The following DOCK3 variants were observed in gnomAD, a reference collection of about 807,000 sequenced individuals.
The protein encoded by DOCK3 is dedicator of cytokinesis protein 3.
Under a neutral mutation model 265.6 loss-of-function variants are expected in DOCK3, and 60 were observed. The observed-to-expected ratio is 0.23, with a 90% CI of 0.18 to 0.28. The LOEUF (loss-of-function observed/expected upper bound fraction) is 0.28. Among genes scored for constraint, DOCK3 ranks in the 10% least tolerant of loss-of-function variants. DOCK3 has a pLI of 1.00. For missense variants in DOCK3, 1,981 were observed against 2,594.3 expected, an observed-to-expected ratio of 0.76 and a Z score of 5.14; for synonymous variants, 881 against 938.0, an observed-to-expected ratio of 0.94 and a Z score of 1.11.
At chr3:51,310,207 C>G (rs367637928) in intron 27 of DOCK3, 25 bp from the exon 28 acceptor site, 3 of 1,566,316 alleles carry the variant, frequency 1.9e-6, no homozygotes, top group Non-Finnish European at 1.7e-6. Context: ...GGTGGTGTCT[C>G]ACATCAGCTT....
rs556357825 is a variant in DOCK3, at chr3:51,378,612, A to G, written c.5501-1513A>G. Among the ~76,000 whole-genome samples the G allele has an allele frequency of 1.1e-3, 162 of 152,370 alleles. 1 individual carries two copies. The highest frequency in any genetic ancestry group is 3.7e-3 in the African/African-American group (155 of 41,588). The stretch of plus-strand genomic sequence containing the variant: ...CAAAGGGGAGAGTTGCCTGGCTCCA[A>G]CAGAGAAAGGACATATTTCTTTTTG... On this transcript the variant is annotated intron_variant, in intron 51 of 52. Coordinates refer to ENST00000266037, the MANE Select transcript of DOCK3 (RefSeq NM_004947.5).
intron 19 of DOCK3, among the ~76,000 whole-genome samples, chr3:51,232,658 G>T (rs1412646717): frequency 6.6e-6 from 1 of 152,104 alleles, no homozygotes; most frequent in Non-Finnish European, 1.5e-5. Context: ...ATGTTTGTTG[G>T]CTGTTTGTAT....
chr3:51,358,998 G>A (rs574469920), intron 46 of DOCK3, among the ~76,000 whole-genome samples: 1 of 152,336 alleles, frequency 6.6e-6, no homozygotes, highest in South Asian at 2.1e-4. Flanking sequence ...ATTACCTGCT[G>A]CTACCTGGCA....
chr3:50,849,951 C>A (rs898263842), intron 3 of DOCK3, among the ~76,000 whole-genome samples: 35 of 151,818 alleles, frequency 2.3e-4, no homozygotes, highest in African/African-American at 8.0e-4. Flanking sequence ...GACGTTCTTT[C>A]TTCTGCTTGG....
chr3:51,269,866 A>T (rs919237811), intron 23 of DOCK3, among the ~76,000 whole-genome samples: 1 of 152,210 alleles, frequency 6.6e-6, no homozygotes, highest in Non-Finnish European at 1.5e-5. Context: ...GTATCAAGAC[A>T]TAAGTAATAG....
chr3:50,745,604 C>G (rs899160230), intron 1 of DOCK3, among the ~76,000 whole-genome samples: 1 of 152,076 alleles, frequency 6.6e-6, no homozygotes, highest in African/African-American at 2.4e-5. Flanking sequence ...TCCTTCAGAC[C>G]GAACAAAACG....
At chr3:50,677,174 T>C (rs1280063580) in intron 1 of DOCK3, among the ~76,000 whole-genome samples, 3 of 152,254 alleles carry the variant, frequency 2.0e-5, no homozygotes, top group South Asian at 2.1e-4. Context: ...ACAGTTACAC[T>C]GAAGACATTT....
In DOCK3 at chr3:51,350,262, A is replaced by C. The variant is rs1172947442; in HGVS notation, c.4003-26A>C. 8.2e-6 allele frequency: 13 copies of C among 1,584,264 alleles called. 1 individual carries two copies. The East Asian group carries it at 2.9e-4, about 36-fold the overall frequency. Reference sequence around the variant, plus strand: ...TTTGGATACCAACAGCAGTCAAGCCAACCTGAAGACCTTTCTCATTCACAG... The same window carrying C: ...TTTGGATACCAACAGCAGTCAAGCCCACCTGAAGACCTTTCTCATTCACAG... On this transcript the variant is annotated intron_variant, in intron 39 of 52. Coordinates refer to ENST00000266037, the MANE Select transcript of DOCK3 (RefSeq NM_004947.5).
intron 22 of DOCK3, among the ~76,000 whole-genome samples, chr3:51,259,414 CAT>C (rs982803025): frequency 6.6e-6 from 1 of 151,988 alleles, no homozygotes; most frequent in African/African-American, 2.4e-5. Flanking sequence ...TATTAGAAAA[CAT>C]AGTATTGGGT....
intron 6 of DOCK3, among the ~76,000 whole-genome samples, chr3:51,072,695 A>G (rs2081920866): frequency 6.6e-6 from 1 of 152,062 alleles, no homozygotes; most frequent in South Asian, 2.1e-4. Flanking sequence ...GGCCTGAGCC[A>G]TGGCGCTCAG....
At chr3:51,010,378 T>C (rs773429033) in intron 5 of DOCK3, among the ~76,000 whole-genome samples, 1 of 152,210 alleles carries the variant, frequency 6.6e-6, no homozygotes, top group Non-Finnish European at 1.5e-5. Context: ...TATAATAGTC[T>C]TCTTTGTCTC....
intron 5 of DOCK3, among the ~76,000 whole-genome samples, chr3:51,042,657 C>G (rs1038128931): frequency 3.3e-5 from 5 of 152,162 alleles, no homozygotes; most frequent in Non-Finnish European, 7.3e-5. Context: ...CAAACTATTC[C>G]TGTTTGCAGA....
chr3:51,309,785 A>G (rs1007631322), intron 27 of DOCK3, among the ~76,000 whole-genome samples: 1 of 152,222 alleles, frequency 6.6e-6, no homozygotes, highest in Non-Finnish European at 1.5e-5. Context: ...AGATTTTCAG[A>G]GGTCTTTACT....
In DOCK3 at chr3:50,719,590, A is replaced by G. The variant is rs1576223471; in HGVS notation, c.37+44290A>G. 4 of 1,475,278 alleles carry G rather than the reference A, an allele frequency of 2.7e-6. No individual in the cohort carries two copies. The African/African-American group carries it at 4.1e-5, about 15-fold the overall frequency. The allele number at this position is 1,475,278 out of a possible 1,614,324, so 91.4% of individuals were successfully genotyped here. ...TATTAATGCTATTATTCACCTTGCC[A>G]AAGACCACATGCTTGCCATCCAACC... On this transcript the variant is annotated intron_variant, in intron 1 of 52. Coordinates refer to ENST00000266037, the MANE Select transcript of DOCK3 (RefSeq NM_004947.5).
At chr3:51,309,355 G>T (rs575318074) in intron 27 of DOCK3, among the ~76,000 whole-genome samples, 3 of 152,234 alleles carry the variant, frequency 2.0e-5, no homozygotes, top group African/African-American at 7.2e-5. Flanking sequence ...GCCGAGGCTG[G>T]CGGATCACTT....
intron 4 of DOCK3, among the ~76,000 whole-genome samples, chr3:50,926,752 G>T (rs2050780339): frequency 6.6e-6 from 1 of 152,146 alleles, no homozygotes; most frequent in African/African-American, 2.4e-5. Flanking sequence ...CAGCTGAGAA[G>T]AAGAAGGAGA....
At chr3:51,140,300 A>G (rs2084990627) in intron 9 of DOCK3, among the ~76,000 whole-genome samples, 1 of 152,212 alleles carries the variant, frequency 6.6e-6, no homozygotes, top group Non-Finnish European at 1.5e-5. Flanking sequence ...ATCTATTTTC[A>G]GTCTCTGTAG....
At chr3:50,902,018 G>A (rs968588052) in intron 4 of DOCK3, among the ~76,000 whole-genome samples, 18 of 152,114 alleles carry the variant, frequency 1.2e-4, no homozygotes, top group Non-Finnish European at 1.2e-4. Context: ...CTCCTTGAAT[G>A]TCTCCTTTTG....
chr3:50,957,565 T>A (rs1377380755), intron 5 of DOCK3, among the ~76,000 whole-genome samples: 2 of 152,234 alleles, frequency 1.3e-5, no homozygotes, highest in African/African-American at 2.4e-5. Context: ...TTTTGTCTCA[T>A]CATTCTGTGC....
Sources: gnomAD v4.1 joint callset for allele counts (sites outside exome capture counted in the v4.1 genomes callset) on GRCh38, gnomAD v4.1.1 for gene constraint, MANE v1.5 for transcripts, NCBI Gene and HGNC (gene_info 2026-07-23, HGNC 2026-07-21) for gene names.